Variants in FRMD4A observed in about 807,000 individuals in gnomAD.
The protein encoded by FRMD4A is FERM domain containing 4A, also known as FERM domain-containing protein 4A.
A neutral mutation model predicts 129.1 loss-of-function variants in FRMD4A; 29 were observed. The observed-to-expected ratio is 0.22, with a 90% CI of 0.17 to 0.31. The LOEUF is 0.31. Among genes scored for constraint, FRMD4A ranks in the 10% least tolerant of loss-of-function variants. The pLI is 1.00. For missense variants in FRMD4A, 1,272 were observed against 1,375.8 expected (o/e 0.92, Z 1.19); for synonymous variants, 634 against 571.6 (o/e 1.11, Z -1.56).
intron 14 of FRMD4A, among the ~76,000 whole-genome samples, chr10:13,695,630 G>T (rs1391929266): frequency 1.3e-5 from 2 of 152,200 alleles, no homozygotes; most frequent in African/African-American, 4.8e-5. Context: ...AACTAGAAAC[G>T]GTCACTTGCT....
At chr10:13,964,056 T>C (rs1475470900) in intron 2 of FRMD4A, among the ~76,000 whole-genome samples, 1 of 150,732 alleles carries the variant, frequency 6.6e-6, no homozygotes, top group Non-Finnish European at 1.5e-5. Flanking sequence ...CCTGTGACCC[T>C]CAACACAGCC....
At chr10:14,255,633 C>A (rs1167046925) in intron 2 of FRMD4A, among the ~76,000 whole-genome samples, 2 of 152,256 alleles carry the variant, frequency 1.3e-5, no homozygotes, top group Non-Finnish European at 2.9e-5. Flanking sequence ...TGCCCTCGAA[C>A]TGCAGCTGTG....
chr10:14,085,053 AC>A (rs1176602875), intron 2 of FRMD4A, among the ~76,000 whole-genome samples: 1 of 152,192 alleles, frequency 6.6e-6, no homozygotes, highest in East Asian at 1.9e-4. Context: ...GCTCTGAATC[AC>A]CTCCTTACTG....
At chr10:13,737,369 C>T (rs1468577755) in intron 12 of FRMD4A, among the ~76,000 whole-genome samples, 4 of 152,182 alleles carry the variant, frequency 2.6e-5, no homozygotes, top group Admixed American at 2.0e-4. Flanking sequence ...GGATTACAGG[C>T]GTGAGCCAGC....
intron 2 of FRMD4A, among the ~76,000 whole-genome samples, chr10:14,271,396 A>G (rs1845158989): frequency 6.6e-6 from 1 of 152,232 alleles, no homozygotes; most frequent in Admixed American, 6.5e-5. Flanking sequence ...ATAGGATGCT[A>G]TCCCTTTATA....
At chr10:13,914,922 G>C (rs1439637421) in intron 2 of FRMD4A, among the ~76,000 whole-genome samples, 1 of 152,168 alleles carries the variant, frequency 6.6e-6, no homozygotes, top group Non-Finnish European at 1.5e-5. Flanking sequence ...GCTGAGGCAG[G>C]AGTATTGCGT....
intron 2 of FRMD4A, among the ~76,000 whole-genome samples, chr10:14,202,630 A>T (rs1842672953): frequency 6.6e-6 from 1 of 151,934 alleles, no homozygotes; most frequent in African/African-American, 2.4e-5. Context: ...CGAACTCCTG[A>T]CCTCAAGTGA....
chr10:14,119,931 G>A (rs1458234793), intron 2 of FRMD4A, among the ~76,000 whole-genome samples: 3 of 151,746 alleles, frequency 2.0e-5, no homozygotes, highest in African/African-American at 4.8e-5. Flanking sequence ...ATTTGAAGCA[G>A]CTTGCACCTT....
At chr10:13,966,490 T>C (rs1282667581) in intron 2 of FRMD4A, among the ~76,000 whole-genome samples, 2 of 152,208 alleles carry the variant, frequency 1.3e-5, no homozygotes, top group African/African-American at 2.4e-5. Context: ...AGAAGTCATA[T>C]GTAAAAGGCA....
At chr10:13,880,450 C>A (rs2094534099) in intron 2 of FRMD4A, among the ~76,000 whole-genome samples, 1 of 152,202 alleles carries the variant, frequency 6.6e-6, no homozygotes, top group African/African-American at 2.4e-5. Flanking sequence ...TGCAAATGTG[C>A]TTCCAACTCT....
intron 2 of FRMD4A, among the ~76,000 whole-genome samples, chr10:14,295,267 T>C (rs1385010766): frequency 6.6e-6 from 1 of 152,154 alleles, no homozygotes; most frequent in African/African-American, 2.4e-5. Context: ...ATGCCCTAGT[T>C]TTACTGGGAG....
At chr10:14,157,254 C>T (rs141471946) in intron 2 of FRMD4A, among the ~76,000 whole-genome samples, 130 of 152,334 alleles carry the variant, frequency 8.5e-4, no homozygotes, top group African/African-American at 2.9e-3. Flanking sequence ...CTGCTCCCCA[C>T]CTCTCTTTCT....
rs1394942381 is a variant in FRMD4A at position 14,287,841 on chromosome 10, T to A, written c.45+42217A>T. On this transcript the variant is annotated intron_variant, in intron 2 of 24. Coordinates refer to ENST00000357447, the MANE Select transcript of FRMD4A (RefSeq NM_018027.5). ...GCAAAGACCTGGCAGATAAAATGAA[T>A]GACAAGTGCCAGTTTTGAGATAAAT... Among the ~76,000 whole-genome samples the A allele has an allele frequency of 5.3e-5, 8 of 152,278 alleles. No homozygotes were observed. The East Asian group carries it at 1.2e-3, about 22-fold the overall frequency.
intron 3 of FRMD4A, among the ~76,000 whole-genome samples, chr10:13,833,465 G>C (rs1398967136): frequency 1.3e-5 from 2 of 152,148 alleles, no homozygotes; most frequent in African/African-American, 4.8e-5. Flanking sequence ...ATTTGGGTGG[G>C]AACACAGCCA....
chr10:13,765,101 A>ATTTTTTTTTTTGTTTTTT (rs2092233025), intron 6 of FRMD4A, among the ~76,000 whole-genome samples: 1 of 125,276 alleles, frequency 8.0e-6, no homozygotes. Flanking sequence ...TCAAGGATTG[A>ATTTTTTTTTTTGTTTTTT]TTTTTTTTTT....
rs568675232 is a variant in FRMD4A at position 13,776,595 on chromosome 10, C to A, written c.384+6327G>T. On this transcript the variant is annotated intron_variant, in intron 6 of 24. Transcript: ENST00000357447. ...TAATCAGCCTTGTGGAACCATTTGA[C>A]TTTTAAATGATGTCATCTATTACTT... 2.6e-5 allele frequency among the ~76,000 whole-genome samples: 4 copies of A among 152,294 alleles called. No homozygotes were observed. The South Asian group carries it at 8.3e-4, about 32-fold the overall frequency.
Position 13,706,990 on chromosome 10 carries a change from G to T in FRMD4A, c.836+47C>A, listed in dbSNP as rs112032855. ...CCAAAATAATATCCATAACACGCCC[G>T]GCCGAGAGCCACGCCATCCCGCAAG... is the stretch of plus-strand genomic sequence containing the variant. On this transcript the variant is annotated intron_variant, in intron 13 of 24. Coordinates refer to ENST00000357447, the MANE Select transcript of FRMD4A (RefSeq NM_018027.5). 1.9e-3 allele frequency: 1,862 copies of T among 974,526 alleles called. 2 individuals are homozygous for T. The highest frequency in any genetic ancestry group is 2.7e-3 in the Non-Finnish European group (1,609 of 596,450). The allele number at this position is 974,526 out of a possible 1,614,324, so 60.4% of individuals were successfully genotyped here. A position where few individuals can be genotyped will look rare whatever the true frequency, so the allele number is the denominator to read the frequency against.
At chr10:13,876,308 T>C (rs1305771205) in intron 2 of FRMD4A, among the ~76,000 whole-genome samples, 1 of 152,246 alleles carries the variant, frequency 6.6e-6, no homozygotes, top group Non-Finnish European at 1.5e-5. Flanking sequence ...CAATATTACA[T>C]GTGGTTTGGT....
At chr10:13,873,416 T>G (rs1371389162) in intron 2 of FRMD4A, among the ~76,000 whole-genome samples, 1 of 152,214 alleles carries the variant, frequency 6.6e-6, no homozygotes, top group Non-Finnish European at 1.5e-5. Context: ...GGATGTGTGC[T>G]GGAGAACTCG....
Sources: allele counts gnomAD v4.1 joint callset (sites outside exome capture counted in the v4.1 genomes callset), GRCh38; gene constraint gnomAD v4.1.1; transcripts MANE v1.5; gene names NCBI Gene and HGNC (gene_info 2026-07-23, HGNC 2026-07-21).